DCDC2C: variants seen among roughly 807,000 people sequenced by gnomAD.
DCDC2C encodes the protein doublecortin domain-containing protein 2C.
DCDC2C carries 44 observed loss-of-function variants against 45.0 expected under a neutral mutation model. The ratio of observed to expected loss-of-function variants is 0.98; its 90% CI spans 0.77 to 1.26. The LOEUF (loss-of-function observed/expected upper bound fraction) is 1.26, where lower values mean the gene tolerates loss of function less well. DCDC2C is among the 50% of genes most tolerant of loss of function. The pLI is 0.00. For synonymous variants in DCDC2C, 187 were observed against 178.8 expected (o/e 1.05, Z -0.37); for missense variants, 447 against 468.9 (o/e 0.95, Z 0.43).
At position 3,752,867 on chromosome 2, in the gene DCDC2C, G is replaced by A; in HGVS notation, c.650G>A (p.Trp217Ter). ...GAGACCTTCAAATATTTTCCTTACT[G>A]GAAGTCTCCAAGGGTGCCCAGTGAG... ...GLETFKYFPY[W>*]KSPRVPSEVQ... The change falls in exon 5 of 11, where the codon TGG becomes TAG. Residue 217 changes from tryptophan (W) to a stop codon, truncating the protein, a stop_gained. Coordinates refer to ENST00000399143, the MANE Select transcript of DCDC2C (RefSeq NM_001287444.2). LOFTEE classifies it high-confidence loss of function. 5.2e-6 allele frequency: 8 copies of A among 1,550,482 alleles called. No homozygotes were observed. Among genetic ancestry groups the A allele is most frequent in the Non-Finnish European group, 7.0e-6 (8 of 1,146,954 alleles).
At chr2:3,821,447 A>G (rs1671685212) in intron 10 of DCDC2C, among the ~76,000 whole-genome samples, 1 of 152,234 alleles carries the variant, frequency 6.6e-6, no homozygotes, top group Admixed American at 6.5e-5. Flanking sequence ...GTGATGTCAG[A>G]CATGTTTGAC....
intron 6 of DCDC2C, among the ~76,000 whole-genome samples, chr2:3,763,550 G>A (rs1180549839): frequency 2.0e-5 from 3 of 152,204 alleles, no homozygotes; most frequent in Non-Finnish European, 4.4e-5. Flanking sequence ...CACCCGCCAA[G>A]GTGGCCCTAG....
chr2:3,738,027 T>TA (rs1456139173), intron 3 of DCDC2C, among the ~76,000 whole-genome samples: 2 of 152,156 alleles, frequency 1.3e-5, no homozygotes, highest in African/African-American at 4.8e-5. Context: ...TAAATATATA[T>TA]TTTTAAGAGA....
In DCDC2C at chr2:3,708,469, G is replaced by T. The variant is rs17017909; in HGVS notation, c.288-80G>T. 14,637 of 1,121,436 alleles carry T rather than the reference G, an allele frequency of 0.013. 1,230 individuals carry two copies. The African/African-American group carries it at 0.19, about 14-fold the overall frequency. The allele number at this position is 1,121,436 out of a possible 1,614,324, so 69.5% of individuals were successfully genotyped here. On this transcript the variant is annotated intron_variant, in intron 1 of 10. Coordinates refer to ENST00000399143, the MANE Select transcript of DCDC2C (RefSeq NM_001287444.2). ...GGGTTGTATCTATTAAGCCGGAAAA[G>T]GACTCGTTTCTAAGGAGTCTGGAAC...
intron 6 of DCDC2C, among the ~76,000 whole-genome samples, chr2:3,759,430 A>G (rs908944176): frequency 3.3e-5 from 5 of 152,210 alleles, no homozygotes; most frequent in South Asian, 4.1e-4. Context: ...AGTGGTTTAT[A>G]AAATAGCTAC....
chr2:3,772,793 T>C (rs117013170), intron 8 of DCDC2C, among the ~76,000 whole-genome samples: 1 of 152,228 alleles, frequency 6.6e-6, no homozygotes. Flanking sequence ...CCTGGGTCTC[T>C]ATCAACGGAC....
intron 3 of DCDC2C, among the ~76,000 whole-genome samples, chr2:3,740,526 C>T (rs978139994): frequency 6.6e-6 from 1 of 152,200 alleles, no homozygotes; most frequent in African/African-American, 2.4e-5. Flanking sequence ...CTTGTTTAAA[C>T]ATTGATTACT....
intron 3 of DCDC2C, among the ~76,000 whole-genome samples, chr2:3,736,374 C>T (rs73142828): frequency 0.018 from 2,698 of 152,226 alleles, 74 homozygotes; most frequent in African/African-American, 0.062. Flanking sequence ...GTGGGTGACT[C>T]GGAGGAACGG....
intron 10 of DCDC2C, among the ~76,000 whole-genome samples, chr2:3,800,684 C>T (rs1671091609): frequency 1.6e-5 from 2 of 125,436 alleles, no homozygotes; most frequent in Admixed American, 8.6e-5. Context: ...TTTCCTTACA[C>T]AGGATATTAC....
chr2:3,838,625 A>T (rs1266171034), intron 10 of DCDC2C, among the ~76,000 whole-genome samples: 2 of 152,094 alleles, frequency 1.3e-5, no homozygotes, highest in Non-Finnish European at 2.9e-5. Flanking sequence ...AGGGAGGAGG[A>T]TGGGGTAAAG....
chr2:3,749,279 A>T (rs1385439974), intron 4 of DCDC2C, among the ~76,000 whole-genome samples: 1 of 152,248 alleles, frequency 6.6e-6, no homozygotes, highest in Non-Finnish European at 1.5e-5. Context: ...AGGTAATAAT[A>T]GAAATACCTA....
At chr2:3,839,109 C>T (rs1348055630) in intron 10 of DCDC2C, among the ~76,000 whole-genome samples, 1 of 152,146 alleles carries the variant, frequency 6.6e-6, no homozygotes, top group African/African-American at 2.4e-5. Flanking sequence ...CTTCAAGCCA[C>T]CATCAGAGAT....
At chr2:3,707,260 G>A (rs1449992607) in intron 1 of DCDC2C, among the ~76,000 whole-genome samples, 2 of 152,100 alleles carry the variant, frequency 1.3e-5, no homozygotes, top group African/African-American at 2.4e-5. Context: ...TTGTGTTTTT[G>A]TAGGATCTTT....
chr2:3,839,348 T>C (rs931948360), intron 10 of DCDC2C, among the ~76,000 whole-genome samples: 10 of 152,248 alleles, frequency 6.6e-5, no homozygotes, highest in African/African-American at 2.4e-4. Context: ...AATTTGAGCC[T>C]GACATCTTAA....
intron 2 of DCDC2C, among the ~76,000 whole-genome samples, chr2:3,711,463 TA>T (rs1041258226): frequency 6.6e-4 from 101 of 152,102 alleles, no homozygotes; most frequent in South Asian, 2.3e-3. Flanking sequence ...TATGCAGCCA[TA>T]AAAAAAGAAT....
intron 10 of DCDC2C, among the ~76,000 whole-genome samples, chr2:3,816,491 G>T (rs1341466858): frequency 6.6e-6 from 1 of 152,206 alleles, no homozygotes; most frequent in African/African-American, 2.4e-5. Context: ...GGAAGAAAGA[G>T]AAATGCAAAG....
chr2:3,846,503 AG>A (rs1478529996), intron 10 of DCDC2C, among the ~76,000 whole-genome samples: 1 of 152,090 alleles, frequency 6.6e-6, no homozygotes, highest in Non-Finnish European at 1.5e-5. Flanking sequence ...GGTCTATTAT[AG>A]TACTCTATCT....
intron 3 of DCDC2C, among the ~76,000 whole-genome samples, chr2:3,738,540 GAAAAAA>G (rs60799536): frequency 1.4e-5 from 1 of 71,978 alleles, no homozygotes; most frequent in Non-Finnish European, 2.6e-5. Context: ...GTCTATCTGG[GAAAAAA>G]AAAAAAAAAA....
intron 9 of DCDC2C, among the ~76,000 whole-genome samples, chr2:3,782,031 T>G (rs1036740705): frequency 1.3e-5 from 2 of 152,216 alleles, no homozygotes; most frequent in Non-Finnish European, 2.9e-5. Context: ...AATCACGTTC[T>G]CCGTGTTGCA....
Sources: gnomAD v4.1 joint callset for allele counts (sites outside exome capture counted in the v4.1 genomes callset) on GRCh38, gnomAD v4.1.1 for gene constraint, MANE v1.5 for transcripts, NCBI Gene and HGNC (gene_info 2026-07-23, HGNC 2026-07-21) for gene names.